Variants in NFIA observed in about 807,000 individuals in gnomAD.
The protein encoded by NFIA is nuclear factor 1 A-type.
A neutral mutation model predicts 62.8 loss-of-function variants in NFIA; 8 were observed. The ratio of observed to expected loss-of-function variants is 0.13; its 90% confidence interval spans 0.07 to 0.23. The LOEUF is 0.23. Among genes scored for constraint, NFIA ranks in the 10% least tolerant of loss-of-function variants. The pLI is 1.00. For synonymous variants in NFIA, 235 were observed against 238.1 expected, an observed-to-expected ratio of 0.99 and a Z score of 0.12; for missense variants, 410 against 642.1, an observed-to-expected ratio of 0.64 and a Z score of 3.91.
At chr1:61,420,953 C>T (rs566741898) in intron 9 of NFIA, among the ~76,000 whole-genome samples, 3 of 152,288 alleles carry the variant, frequency 2.0e-5, no homozygotes, top group African/African-American at 4.8e-5. Flanking sequence ...TATGGCAAAA[C>T]GTAATTTGCA....
At chr1:61,415,386 C>A (rs956404780) in intron 9 of NFIA, among the ~76,000 whole-genome samples, 1 of 151,844 alleles carries the variant, frequency 6.6e-6, no homozygotes, top group Non-Finnish European at 1.5e-5. Context: ...GAAAAAACAC[C>A]ATGAACAAAG....
chr1:61,308,650 G>A (rs1659930690), intron 3 of NFIA, among the ~76,000 whole-genome samples: 3 of 152,172 alleles, frequency 2.0e-5, no homozygotes, highest in African/African-American at 7.2e-5. Flanking sequence ...TCCTGGCTTT[G>A]TCCTTTTCTA....
At chr1:61,106,951 TA>T (rs1231479315) in intron 2 of NFIA, among the ~76,000 whole-genome samples, 1 of 149,176 alleles carries the variant, frequency 6.7e-6, no homozygotes, top group African/African-American at 2.5e-5. Context: ...TACATATACA[TA>T]CATATATATA....
chr1:61,404,041 C>T lies in NFIA; in HGVS notation c.1076-63C>T, dbSNP rs767609127. On this transcript the variant is annotated intron_variant, in intron 7 of 10. Transcript: ENST00000403491. ...AGAGAAATAAAGGAGGAAGTTGAATCGGGTTCAGCTATGACAAAGCAGGTC... is the reference window on the plus strand; with the variant it reads ...AGAGAAATAAAGGAGGAAGTTGAATTGGGTTCAGCTATGACAAAGCAGGTC... 1.1e-5 allele frequency: 17 copies of T among 1,552,106 alleles called. No homozygotes were observed. The South Asian group carries it at 1.3e-4, about 12-fold the overall frequency.
chr1:61,094,448 C>G (rs1234620537), intron 2 of NFIA, among the ~76,000 whole-genome samples: 2 of 152,132 alleles, frequency 1.3e-5, no homozygotes, highest in Admixed American at 6.6e-5. Context: ...TTTTTTCAGA[C>G]TAAGACACTA....
At chr1:61,402,934 C>A (rs1323966042) in intron 7 of NFIA, among the ~76,000 whole-genome samples, 6 of 152,196 alleles carry the variant, frequency 3.9e-5, no homozygotes, top group South Asian at 2.1e-4. Flanking sequence ...CTATGCCCAG[C>A]AACTAATACA....
chr1:61,398,088 C>G (rs547955550), intron 7 of NFIA, among the ~76,000 whole-genome samples: 1 of 152,190 alleles, frequency 6.6e-6, no homozygotes, highest in Admixed American at 6.5e-5. Flanking sequence ...CTATTGGGCC[C>G]ACAGATCCAA....
At chr1:61,206,934 G>A (rs184337413) in intron 2 of NFIA, among the ~76,000 whole-genome samples, 37 of 152,230 alleles carry the variant, frequency 2.4e-4, no homozygotes, top group Non-Finnish European at 4.4e-4. Context: ...AAGTGCTGTC[G>A]TATGAAAGAA....
chr1:61,212,717 T>G (rs1428370683), intron 2 of NFIA, among the ~76,000 whole-genome samples: 1 of 152,200 alleles, frequency 6.6e-6, no homozygotes, highest in East Asian at 1.9e-4. Context: ...GGACTGTATC[T>G]TCAGGCACAG....
intron 6 of NFIA, among the ~76,000 whole-genome samples, chr1:61,379,863 A>G (rs1284545515): frequency 1.3e-5 from 2 of 152,128 alleles, no homozygotes; most frequent in East Asian, 1.9e-4. Context: ...GACTACCACA[A>G]ATACCAATGA....
At chr1:61,315,353 A>T (rs1660315946) in intron 3 of NFIA, among the ~76,000 whole-genome samples, 1 of 152,214 alleles carries the variant, frequency 6.6e-6, no homozygotes, top group Non-Finnish European at 1.5e-5. Context: ...TTTTCGAGGG[A>T]GTAAATGAAA....
chr1:61,315,643 GC>G (rs2100357062), intron 3 of NFIA, among the ~76,000 whole-genome samples: 1 of 152,142 alleles, frequency 6.6e-6, no homozygotes, highest in East Asian at 1.9e-4. Flanking sequence ...TGGAGGAGCT[GC>G]CCTACTTCTG....
chr1:61,458,291 C>T lies in NFIA; in HGVS notation c.*2971C>T, dbSNP rs1668393753. The T allele has an allele frequency of 6.6e-6, 1 of 151,958 alleles. No individual in the cohort carries two copies. The highest frequency in any genetic ancestry group is 2.4e-5 in the African/African-American group (1 of 41,368). 9.4% of individuals were successfully genotyped at this position (151,958 alleles called of 1,614,324 possible). The stretch of plus-strand genomic sequence containing the variant: ...GCCTAGACAAACATTTTGTCAGAAC[C>T]TTGCAATAAGCCAAGGTATTACCAG... On this transcript the variant is annotated 3_prime_UTR_variant, in exon 11 of 11. Transcript: ENST00000403491.
intron 6 of NFIA, among the ~76,000 whole-genome samples, chr1:61,360,131 G>A (rs190353684): frequency 1.3e-5 from 2 of 152,212 alleles, no homozygotes; most frequent in East Asian, 3.9e-4. Flanking sequence ...ATTCTGATCT[G>A]TACTAAACTG....
chr1:61,323,336 GA>G (rs1295769314), intron 3 of NFIA, among the ~76,000 whole-genome samples: 2 of 152,150 alleles, frequency 1.3e-5, no homozygotes, highest in African/African-American at 4.8e-5. Context: ...CAACTTTCTA[GA>G]TATAGAAGTG....
chr1:61,158,798 A>AC (rs1295018870), intron 2 of NFIA, among the ~76,000 whole-genome samples: 1 of 152,178 alleles, frequency 6.6e-6, no homozygotes, highest in Admixed American at 6.5e-5. Flanking sequence ...AGTTGTCATC[A>AC]TGCCTAGACC....
At chr1:61,179,168 C>G (rs1650586949) in intron 2 of NFIA, among the ~76,000 whole-genome samples, 1 of 152,218 alleles carries the variant, frequency 6.6e-6, no homozygotes, top group Admixed American at 6.5e-5. Context: ...GGAGTGTGAG[C>G]AGCATGTGGG....
At chr1:61,261,909 T>C (rs1168578643) in intron 2 of NFIA, among the ~76,000 whole-genome samples, 1 of 152,236 alleles carries the variant, frequency 6.6e-6, no homozygotes, top group Non-Finnish European at 1.5e-5. Flanking sequence ...GTATATGCTT[T>C]CTAAACCTGC....
At chr1:61,355,398 T>C (rs1157908461) in intron 5 of NFIA, among the ~76,000 whole-genome samples, 1 of 152,112 alleles carries the variant, frequency 6.6e-6, no homozygotes, top group East Asian at 1.9e-4. Flanking sequence ...ATCTTCAAAA[T>C]CATAGAAAGA....
Sources: allele counts gnomAD v4.1 joint callset (sites outside exome capture counted in the v4.1 genomes callset), GRCh38; gene constraint gnomAD v4.1.1; transcripts MANE v1.5; gene names NCBI Gene and HGNC (gene_info 2026-07-23, HGNC 2026-07-21).